Variants in ESCO2 observed in about 807,000 individuals in gnomAD.
The protein encoded by ESCO2 is establishment of sister chromatid cohesion N-acetyltransferase 2, also known as N-acetyltransferase ESCO2.
ESCO2 carries 51 observed loss-of-function variants against 61.7 expected under a neutral mutation model. That is an observed-to-expected ratio of 0.83 (90% CI 0.66 to 1.04). ESCO2 has a LOEUF of 1.04. Ranked by LOEUF, ESCO2 falls within the 50% of genes least tolerant of loss-of-function variation. ESCO2 has a pLI of 0.00. For missense variants in ESCO2, 692 were observed against 686.2 expected, an observed-to-expected ratio of 1.01 and a Z score of -0.09; for synonymous variants, 230 against 238.2, an observed-to-expected ratio of 0.97 and a Z score of 0.32.
downstream of ESCO2, among the ~76,000 whole-genome samples, chr8:27,813,879 GTGTT>G (rs1233001642): frequency 1.3e-5 from 2 of 152,106 alleles, no homozygotes; most frequent in African/African-American, 4.8e-5. Flanking sequence ...TTTGATACCT[GTGTT>G]TGTGAAGGAT....
rs1805085508 is a variant in ESCO2 at position 27,787,996 on chromosome 8, C to T, written c.1125C>T (p.Leu375=). The T allele has an allele frequency of 1.2e-6, 2 of 1,606,656 alleles. No homozygotes were observed. The highest frequency in any genetic ancestry group is 2.2e-5 in the South Asian group (2 of 90,918). Residue 375 remains leucine (L), a synonymous_variant, in exon 6 of 11, where the codon CTC becomes CTT. Coordinates refer to ENST00000305188, the MANE Select transcript of ESCO2 (RefSeq NM_001017420.3). ...RDTSKKTKDQ[L]IIDAGQKHFG... ...CAAGTAAAAAAACAAAAGACCAGCTCATCATCGTGAGTAAATTCCAAACAA... is the reference window on the plus strand; with the variant it reads ...CAAGTAAAAAAACAAAAGACCAGCTTATCATCGTGAGTAAATTCCAAACAA...
downstream of ESCO2, among the ~76,000 whole-genome samples, chr8:27,814,017 G>C (rs574479426): frequency 5.5e-4 from 84 of 152,232 alleles, no homozygotes; most frequent in Admixed American, 2.5e-3. Context: ...CATCAGGACC[G>C]ATAGGATGTC....
rs747958972 is a variant in ESCO2 at position 27,776,465 on chromosome 8, G to C, written c.157G>C (p.Glu53Gln). The C allele has an allele frequency of 6.2e-6, 10 of 1,611,824 alleles. No homozygotes were observed. The highest frequency in any genetic ancestry group is 2.7e-5 in the African/African-American group (2 of 74,850). Residue 53 changes from glutamate (E) to glutamine (Q), a missense_variant, in exon 3 of 11, where the codon GAG becomes CAG. Coordinates refer to ENST00000305188, the MANE Select transcript of ESCO2 (RefSeq NM_001017420.3). ...NEENLHCSQQEHFVLSALKTT... is the reference protein window; with the variant it reads ...NEENLHCSQQQHFVLSALKTT... ...AGAAAACCTGCATTGCTCTCAACAA[G>C]AGCATTTTGTTTTAAGTGCGCTCAA...
chr8:27,788,124 AGAATGGGAGTTGTAGGTGGTGACATT>A (rs1376941607), intron 6 of ESCO2, 122 bp downstream of exon 6: 4 of 712,232 alleles, frequency 5.6e-6, no homozygotes, highest in Non-Finnish European at 1.0e-5. Flanking sequence ...TTTATGTGAC[AGAATGGGAGTTGTAGGTGGTGACATT>A]GAATATTCTT....
downstream of ESCO2, among the ~76,000 whole-genome samples, chr8:27,808,776 G>C (rs1021684581): frequency 6.6e-6 from 1 of 151,166 alleles, no homozygotes; most frequent in Admixed American, 6.6e-5. Context: ...CTGAGACTTA[G>C]AGCAAGTTCT....
chr8:27,803,198 A>T, intron 10 of ESCO2, 108 bp from the exon 11 acceptor site: 1 of 963,408 alleles, frequency 1.0e-6, no homozygotes, highest in Non-Finnish European at 1.6e-6. Flanking sequence ...TTTTTCACTT[A>T]CTAAAAATAA....
rs554480115 is a variant in ESCO2 at position 27,792,120 on chromosome 8, C to A, written c.1353+68C>A. The A allele has an allele frequency of 4.3e-5, 63 of 1,463,292 alleles. No individual in the cohort carries two copies. In the Middle Eastern group the frequency reaches 1.4e-3, roughly 32 times the overall value. The allele number at this position is 1,463,292 out of a possible 1,614,324, so 90.6% of individuals were successfully genotyped here. A position where few individuals can be genotyped will look rare whatever the true frequency, so the allele number is the denominator to read the frequency against. On this transcript the variant is annotated intron_variant, in intron 8 of 10. Transcript: ENST00000305188. ...CAAGAAATCAACCTATGTTGAAGTG[C>A]AAACTGCCTTTGCTGACAGATAATT...
chr8:27,774,857 G>C (rs1278332138), intron 1 of ESCO2: 1 of 152,406 alleles, frequency 6.6e-6, no homozygotes, highest in South Asian at 2.1e-4. Flanking sequence ...TCCCTGACCG[G>C]GTTCAGGGTC....
At position 27,805,000 on chromosome 8, in the gene ESCO2, C is replaced by T. The variant is rs192841571; in HGVS notation, c.*1562C>T. ...GAGATTGCCAAAAGAAGAGGCTTCC[C>T]GGCCGGGCGCGGTGGCTCACGCCTG... is the stretch of plus-strand genomic sequence containing the variant. On this transcript the variant is annotated 3_prime_UTR_variant, in exon 11 of 11. Coordinates refer to ENST00000305188, the MANE Select transcript of ESCO2 (RefSeq NM_001017420.3). 1.8e-5 allele frequency: 4 copies of T among 227,222 alleles called. No individual in the cohort carries two copies. Among genetic ancestry groups the T allele is most frequent in the South Asian group, 3.4e-4 (2 of 5,874 alleles). The allele number at this position is 227,222 out of a possible 1,614,324, so 14.1% of individuals were successfully genotyped here. A position where few individuals can be genotyped will look rare whatever the true frequency, so the allele number is the denominator to read the frequency against.
intron 6 of ESCO2, among the ~76,000 whole-genome samples, chr8:27,788,532 C>G (rs68129977): frequency 4.1e-5 from 2 of 48,798 alleles, no homozygotes; most frequent in Non-Finnish European, 9.2e-5. Flanking sequence ...TCTTTTTTTT[C>G]CCCCCCCAAA....
At chr8:27,772,446 G>A (rs1411240250), upstream of ESCO2, 6 of 1,483,532 alleles carry the variant, frequency 4.0e-6, 1 homozygote, top group African/African-American at 2.8e-5. Context: ...GCGCAGCGGC[G>A]GACTGCGGGT....
At chr8:27,807,026 TAATTA>T (rs1398481659), downstream of ESCO2, among the ~76,000 whole-genome samples, 1 of 152,194 alleles carries the variant, frequency 6.6e-6, no homozygotes, top group East Asian at 1.9e-4. Flanking sequence ...TTTCTAAACT[TAATTA>T]ATTCTAATTT....
chr8:27,813,021 G>A (rs886440985), downstream of ESCO2, among the ~76,000 whole-genome samples: 8 of 152,120 alleles, frequency 5.3e-5, no homozygotes, highest in East Asian at 1.9e-4. Flanking sequence ...ACATGTACAC[G>A]TTTATGTTTA....
rs750245924 is a variant in ESCO2, at chr8:27,803,568, G to GCACA, written c.*137_*140dup. 8.2e-7 allele frequency: 1 copy of GCACA among 1,219,532 alleles called. No individual in the cohort carries two copies. Among genetic ancestry groups the GCACA allele is most frequent in the Non-Finnish European group, 1.1e-6 (1 of 940,070 alleles). The allele number at this position is 1,219,532 out of a possible 1,614,324, so 75.5% of individuals were successfully genotyped here. On this transcript the variant is annotated 3_prime_UTR_variant, in exon 11 of 11. Coordinates refer to ENST00000305188, the MANE Select transcript of ESCO2 (RefSeq NM_001017420.3). ...CACTCATACACACACACACACACAC[G>GCACA]CACACACACATATCACAGTTTTGTT...
intron 4 of ESCO2, 51 bp downstream of exon 4, chr8:27,780,318 A>C: frequency 9.1e-7 from 1 of 1,097,754 alleles, no homozygotes. Flanking sequence ...GCTTTATTAC[A>C]TACATTATAC....
At chr8:27,816,343 C>CATATATATATA (rs1554559819), downstream of ESCO2, among the ~76,000 whole-genome samples, 3 of 136,380 alleles carry the variant, frequency 2.2e-5, no homozygotes, top group African/African-American at 8.8e-5. Flanking sequence ...TCATCGAATA[C>CATATATATATA]TATATATATA....
At chr8:27,774,066 T>G (rs1210611205), upstream of ESCO2, among the ~76,000 whole-genome samples, 1 of 152,158 alleles carries the variant, frequency 6.6e-6, no homozygotes, top group Admixed American at 6.5e-5. Flanking sequence ...TATTTTAATT[T>G]GAAAAATAAA....
At chr8:27,775,432 G>C in intron 1 of ESCO2, 67 bp from the exon 2 acceptor site, 2 of 1,323,726 alleles carry the variant, frequency 1.5e-6, no homozygotes, top group Non-Finnish European at 2.2e-6. Context: ...ACTAATTAAA[G>C]GGGGTATAAT....
downstream of ESCO2, among the ~76,000 whole-genome samples, chr8:27,809,385 C>A (rs1223433432): frequency 6.6e-6 from 1 of 152,110 alleles, no homozygotes; most frequent in Admixed American, 6.5e-5. Flanking sequence ...TTTCTGAGAA[C>A]GCCCTGTGTC....
Sources: allele counts gnomAD v4.1 joint callset (sites outside exome capture counted in the v4.1 genomes callset), GRCh38; gene constraint gnomAD v4.1.1; transcripts MANE v1.5; gene names NCBI Gene and HGNC (gene_info 2026-07-23, HGNC 2026-07-21).